The following DSCAML1 variants were observed in gnomAD, a reference collection of about 807,000 sequenced individuals.
The protein encoded by DSCAML1 is cell adhesion molecule DSCAML1.
A neutral mutation model predicts 200.5 loss-of-function variants in DSCAML1; 38 were observed. The ratio of observed to expected loss-of-function variants is 0.19; its 90% confidence interval spans 0.15 to 0.25. DSCAML1 has a LOEUF of 0.25. Ranked by LOEUF, DSCAML1 falls within the 10% of genes least tolerant of loss-of-function variation. DSCAML1 has a pLI of 1.00. For synonymous variants in DSCAML1, 1,215 were observed against 1,165.0 expected, an observed-to-expected ratio of 1.04 and a Z score of -0.87; for missense variants, 2,223 against 2,858.8, an observed-to-expected ratio of 0.78 and a Z score of 5.07.
Position 117,428,178 on chromosome 11 carries a change from T to C in DSCAML1, c.*150A>G. 1.7e-6 allele frequency: 1 copy of C among 599,736 alleles called. No homozygotes were observed. The highest frequency in any genetic ancestry group is 2.0e-5 in the South Asian group (1 of 49,572). The allele number at this position is 599,736 out of a possible 1,614,324, so 37.2% of individuals were successfully genotyped here. A position where few individuals can be genotyped will look rare whatever the true frequency, so the allele number is the denominator to read the frequency against. On this transcript the variant is annotated 3_prime_UTR_variant, in exon 33 of 33. Coordinates refer to ENST00000651296, the MANE Select transcript of DSCAML1 (RefSeq NM_020693.4). ...GTTTCATTTGTACAAAAGAGTTCTA[T>C]GTACAGGCGTTCATGATTGGGGGTT... is the stretch of plus-strand genomic sequence containing the variant.
chr11:117,452,289 G>A (rs945164375), intron 19 of DSCAML1, among the ~76,000 whole-genome samples: 7 of 152,056 alleles, frequency 4.6e-5, no homozygotes, highest in African/African-American at 1.2e-4. Flanking sequence ...ATTTTGAGGC[G>A]ATATTATTGA....
Position 117,480,566 on chromosome 11 carries a change from G to T in DSCAML1, c.2662C>A (p.Pro888Thr), listed in dbSNP as rs754637890. ...CGGATCTCCAGCTCTGGGGGGTCGGGGGGCTCTAGGGTGCGGCAGTGGAGG... is the reference window on the plus strand; with the variant it reads ...CGGATCTCCAGCTCTGGGGGGTCGGTGGGCTCTAGGGTGCGGCAGTGGAGG... ...GLIQLTVQEP[P>T]DPPELEIREV... The change falls in exon 14 of 33, where the codon CCC (proline) becomes ACC (threonine). Residue 888 changes from proline to threonine, a missense_variant. Physicochemically the swap from Pro to Thr is conservative, Grantham distance 38. Coordinates refer to ENST00000651296, the MANE Select transcript of DSCAML1 (RefSeq NM_020693.4). This position sits in a 1 kb window ranked among gnomAD's most constrained non-coding sequence, Gnocchi z 4.1. 6.4e-7 allele frequency: 1 copy of T among 1,559,586 alleles called. No homozygotes were observed. Among genetic ancestry groups the T allele is most frequent in the South Asian group, 1.2e-5 (1 of 84,774 alleles).
At chr11:117,553,660 A>G (rs2050507535) in intron 3 of DSCAML1, among the ~76,000 whole-genome samples, 1 of 152,244 alleles carries the variant, frequency 6.6e-6, no homozygotes, top group African/African-American at 2.4e-5. Context: ...AGGATGTGGC[A>G]AAATTGAAAT....
chr11:117,457,061 TACTTGATGAGGTACC>T (rs2048386083), intron 19 of DSCAML1, among the ~76,000 whole-genome samples: 1 of 152,200 alleles, frequency 6.6e-6, no homozygotes, highest in Non-Finnish European at 1.5e-5. Flanking sequence ...GTGGTATTAG[TACTTGATGAGGTACC>T]ACTCTCCCCA....
At chr11:117,638,791 T>G (rs2052342011) in intron 3 of DSCAML1, among the ~76,000 whole-genome samples, 3 of 152,216 alleles carry the variant, frequency 2.0e-5, no homozygotes, top group Admixed American at 1.3e-4. Context: ...TTAATGGACA[T>G]TTGTGTTGTT....
chr11:117,640,180 C>T (rs190377779), intron 3 of DSCAML1, among the ~76,000 whole-genome samples: 3 of 152,322 alleles, frequency 2.0e-5, no homozygotes, highest in African/African-American at 7.2e-5. Context: ...CTTCCTCCTT[C>T]CTCCGTTCTT....
At chr11:117,790,450 C>A (rs2055439932) in intron 1 of DSCAML1, among the ~76,000 whole-genome samples, 2 of 152,220 alleles carry the variant, frequency 1.3e-5, no homozygotes, top group African/African-American at 4.8e-5. Context: ...TGCTGAAAAG[C>A]AAAGCTAGGA....
intron 3 of DSCAML1, among the ~76,000 whole-genome samples, chr11:117,746,844 C>T (rs1448579197): frequency 6.6e-6 from 1 of 152,172 alleles, no homozygotes; most frequent in African/African-American, 2.4e-5. Context: ...CTTCAGGACT[C>T]GGCTGAAATC....
intron 19 of DSCAML1, among the ~76,000 whole-genome samples, chr11:117,451,005 T>C (rs534933829): frequency 6.6e-6 from 1 of 152,320 alleles, no homozygotes; most frequent in East Asian, 1.9e-4. Flanking sequence ...TCTTGATCCC[T>C]CTGACCTTAA....
At chr11:117,737,969 G>C (rs1424693242) in intron 3 of DSCAML1, among the ~76,000 whole-genome samples, 1 of 152,200 alleles carries the variant, frequency 6.6e-6, no homozygotes, top group Non-Finnish European at 1.5e-5. Flanking sequence ...GATATGATCA[G>C]ATCTCTATTT....
intron 3 of DSCAML1, among the ~76,000 whole-genome samples, chr11:117,612,802 G>C (rs536037997): frequency 6.6e-6 from 1 of 152,328 alleles, no homozygotes; most frequent in African/African-American, 2.4e-5. Context: ...GGATCCTGTG[G>C]CTTGGTGGCC....
rs377197748 is a variant in DSCAML1 at position 117,439,984 on chromosome 11, A to G, written c.3863-48T>C. ...GCCACTCCACTTCTACCCCTGCACA[A>G]TATCCTGGCCTCCTTCCTTAGGGCC... On this transcript the variant is annotated intron_variant, in intron 21 of 32. Transcript: ENST00000651296. 1.2e-4 allele frequency: 177 copies of G among 1,514,178 alleles called. No homozygotes were observed. The African/African-American group carries it at 1.7e-3, about 14-fold the overall frequency. The allele number at this position is 1,514,178 out of a possible 1,614,324, so 93.8% of individuals were successfully genotyped here.
intron 3 of DSCAML1, among the ~76,000 whole-genome samples, chr11:117,704,155 G>A (rs540402784): frequency 6.6e-6 from 1 of 150,906 alleles, no homozygotes; most frequent in African/African-American, 2.4e-5. Flanking sequence ...GAAGGAGGAA[G>A]GGCGGGAAGG....
chr11:117,497,443 G>A (rs497744), intron 11 of DSCAML1, among the ~76,000 whole-genome samples: 2 of 152,152 alleles, frequency 1.3e-5, no homozygotes, highest in African/African-American at 4.8e-5. Context: ...GGGCTGCGGC[G>A]GGGAGCCTGG....
intron 3 of DSCAML1, among the ~76,000 whole-genome samples, chr11:117,610,845 C>A (rs1192708838): frequency 2.0e-5 from 3 of 148,802 alleles, no homozygotes; most frequent in Middle Eastern, 3.5e-3. Flanking sequence ...AAACAACCCC[C>A]CCCCCCCACA....
chr11:117,634,729 C>T (rs1391150729), intron 3 of DSCAML1, among the ~76,000 whole-genome samples: 1 of 152,194 alleles, frequency 6.6e-6, no homozygotes, highest in Non-Finnish European at 1.5e-5. Flanking sequence ...CACAACTGTC[C>T]CTCTAGGTCC....
At chr11:117,594,068 A>G (rs1374463015) in intron 3 of DSCAML1, among the ~76,000 whole-genome samples, 1 of 152,148 alleles carries the variant, frequency 6.6e-6, no homozygotes, top group Admixed American at 6.5e-5. Context: ...CTCACCTGGC[A>G]TGGTTATCTA....
At position 117,642,927 on chromosome 11, in the gene DSCAML1, A is replaced by G. The variant is rs2137598603; in HGVS notation, c.512-110405T>C. ...GGGAGTAAAAGGAAGAGACGCCAGG[A>G]CAGTTTTCCCCAACCTTCCTCACCA... On this transcript the variant is annotated intron_variant, in intron 3 of 32. Coordinates refer to ENST00000651296, the MANE Select transcript of DSCAML1 (RefSeq NM_020693.4). This position sits in a 1 kb window ranked among gnomAD's most constrained non-coding sequence, Gnocchi z 4.1. Among the ~76,000 whole-genome samples the G allele has an allele frequency of 6.6e-6, 1 of 152,300 alleles. No homozygotes were observed. Among genetic ancestry groups the G allele is most frequent in the East Asian group, 1.9e-4 (1 of 5,178 alleles).
At chr11:117,446,957 A>G (rs1486840919) in intron 20 of DSCAML1, among the ~76,000 whole-genome samples, 1 of 152,210 alleles carries the variant, frequency 6.6e-6, no homozygotes, top group Non-Finnish European at 1.5e-5. Flanking sequence ...ACAATGGGAG[A>G]CTGGTTAAGT....
Sources: gnomAD v4.1 joint callset for allele counts (sites outside exome capture counted in the v4.1 genomes callset) on GRCh38, gnomAD v4.1.1 for gene constraint, Gnocchi (gnomAD v3.1) non-coding constraint, MANE v1.5 for transcripts, NCBI Gene and HGNC (gene_info 2026-07-23, HGNC 2026-07-21) for gene names.